Variants in PLEKHM3 observed in about 807,000 individuals in gnomAD.
PLEKHM3 encodes the protein pleckstrin homology domain-containing family M member 3.
A neutral mutation model predicts 81.8 loss-of-function variants in PLEKHM3; 45 were observed. The ratio of observed to expected loss-of-function variants is 0.55; its 90% CI spans 0.43 to 0.71. The LOEUF is 0.71. PLEKHM3 is among the 30% of genes least tolerant of loss of function. The probability of loss-of-function intolerance (pLI) is 0.00; values close to 1 mark genes in which losing one functional copy is unlikely to be tolerated. For missense variants in PLEKHM3, 788 were observed against 924.3 expected, an observed-to-expected ratio of 0.85 and a Z score of 1.91; for synonymous variants, 352 against 356.4, an observed-to-expected ratio of 0.99 and a Z score of 0.14.
chr2:207,955,480 C>T (rs1690472109), intron 3 of PLEKHM3, among the ~76,000 whole-genome samples: 1 of 152,136 alleles, frequency 6.6e-6, no homozygotes, highest in African/African-American at 2.4e-5. Context: ...GTAAGACAGG[C>T]TTACTATAAG....
intron 5 of PLEKHM3, among the ~76,000 whole-genome samples, chr2:207,909,310 A>G (rs1688738257): frequency 6.6e-6 from 1 of 152,248 alleles, no homozygotes; most frequent in African/African-American, 2.4e-5. Context: ...CAAACAGGTT[A>G]CCAAAGTGTA....
intron 6 of PLEKHM3, among the ~76,000 whole-genome samples, chr2:207,865,801 A>AAAAAAATATATAT: frequency 1.2e-4 from 3 of 25,288 alleles, no homozygotes; most frequent in African/African-American, 4.2e-4. Context: ...AAAAAAAAAA[A>AAAAAAATATATAT]AGATATATAT....
At chr2:208,005,535 G>A (rs1692467029) in intron 1 of PLEKHM3, among the ~76,000 whole-genome samples, 1 of 152,118 alleles carries the variant, frequency 6.6e-6, no homozygotes, top group African/African-American at 2.4e-5. Flanking sequence ...GTTTTTGAGT[G>A]GAAGCCCACG....
chr2:207,835,100 C>T (rs1242261850), intron 7 of PLEKHM3, among the ~76,000 whole-genome samples: 4 of 151,920 alleles, frequency 2.6e-5, no homozygotes, highest in African/African-American at 9.7e-5. Flanking sequence ...GTCACCATGC[C>T]CAGCTAATTT....
At chr2:207,989,786 T>A (rs1029947131) in intron 2 of PLEKHM3, among the ~76,000 whole-genome samples, 1 of 152,178 alleles carries the variant, frequency 6.6e-6, no homozygotes, top group Non-Finnish European at 1.5e-5. Context: ...GATCAAAACA[T>A]CAGACAGTTG....
intron 3 of PLEKHM3, among the ~76,000 whole-genome samples, chr2:207,952,988 C>T (rs1370772350): frequency 6.6e-6 from 1 of 152,192 alleles, no homozygotes; most frequent in Admixed American, 6.6e-5. Flanking sequence ...TCTGTTTAGC[C>T]ATAAATCAAT....
In PLEKHM3 at chr2:207,881,403, G is replaced by A. The variant is rs1163996373; in HGVS notation, c.1951-20141C>T. 5.9e-5 allele frequency among the ~76,000 whole-genome samples: 9 copies of A among 152,110 alleles called. No individual in the cohort carries two copies. The East Asian group carries it at 9.6e-4, about 16-fold the overall frequency. ...ATTATAACACTGGCAGCTAGCCTCC[G>A]CAAGGTATTGATCCCATTGAATCCT... On this transcript the variant is annotated intron_variant, in intron 6 of 7. Transcript: ENST00000427836.
intron 5 of PLEKHM3, among the ~76,000 whole-genome samples, chr2:207,911,082 T>C (rs1688795717): frequency 6.6e-6 from 1 of 152,200 alleles, no homozygotes; most frequent in South Asian, 2.1e-4. Context: ...AGCATGGACC[T>C]GGGCCTGAGA....
chr2:207,886,287 G>A (rs1687884630), intron 6 of PLEKHM3, among the ~76,000 whole-genome samples: 1 of 152,106 alleles, frequency 6.6e-6, no homozygotes, highest in South Asian at 2.1e-4. Context: ...GAGCCCAGGG[G>A]ATTCCAACAA....
At chr2:207,919,769 T>C (rs1689120232) in intron 5 of PLEKHM3, among the ~76,000 whole-genome samples, 1 of 152,180 alleles carries the variant, frequency 6.6e-6, no homozygotes. Flanking sequence ...CATTTCAACC[T>C]TTGGACTCAG....
intron 6 of PLEKHM3, among the ~76,000 whole-genome samples, chr2:207,902,059 G>A (rs867511974): frequency 6.6e-6 from 1 of 152,170 alleles, no homozygotes. Context: ...GGGCTGCTGA[G>A]AAGCTATGAA....
chr2:208,002,173 G>A (rs574613392), intron 1 of PLEKHM3, among the ~76,000 whole-genome samples: 8 of 152,300 alleles, frequency 5.3e-5, no homozygotes, highest in Admixed American at 3.9e-4. Flanking sequence ...CTTGATAAGA[G>A]GAATTAAAGT....
At chr2:207,912,439 A>G (rs572791221) in intron 5 of PLEKHM3, among the ~76,000 whole-genome samples, 25 of 152,366 alleles carry the variant, frequency 1.6e-4, no homozygotes, top group Admixed American at 1.6e-3. Context: ...GGTCAGTCAT[A>G]ACAGACACAA....
chr2:207,933,777 AC>A (rs1436509683), intron 4 of PLEKHM3, among the ~76,000 whole-genome samples: 1 of 152,262 alleles, frequency 6.6e-6, no homozygotes, highest in Non-Finnish European at 1.5e-5. Context: ...GCTCGTTTCA[AC>A]CATGTCGGAG....
intron 5 of PLEKHM3, among the ~76,000 whole-genome samples, chr2:207,925,373 G>A (rs1184389790): frequency 6.6e-6 from 1 of 152,112 alleles, no homozygotes; most frequent in Non-Finnish European, 1.5e-5. Flanking sequence ...ATGCCTCCAG[G>A]CTCATCTTCC....
intron 6 of PLEKHM3, among the ~76,000 whole-genome samples, chr2:207,898,907 T>TAAATA (rs1294207527): frequency 3.3e-5 from 5 of 151,794 alleles, no homozygotes; most frequent in African/African-American, 4.8e-5. Flanking sequence ...AAAAAATAAA[T>TAAATA]AAATAAAATA....
At chr2:207,855,175 G>A (rs776611792) in intron 7 of PLEKHM3, among the ~76,000 whole-genome samples, 1 of 152,120 alleles carries the variant, frequency 6.6e-6, no homozygotes, top group Non-Finnish European at 1.5e-5. Context: ...CGATCCTGGT[G>A]CATCTGGTAG....
intron 6 of PLEKHM3, among the ~76,000 whole-genome samples, chr2:207,895,807 TAAG>T (rs1269458538): frequency 1.3e-5 from 2 of 152,150 alleles, no homozygotes; most frequent in African/African-American, 4.8e-5. Context: ...CACTGAATTG[TAAG>T]GTATTAAGAC....
At chr2:207,979,577 G>T (rs145486687) in intron 2 of PLEKHM3, among the ~76,000 whole-genome samples, 2 of 151,700 alleles carry the variant, frequency 1.3e-5, no homozygotes, top group East Asian at 3.9e-4. Context: ...ACATCCATGT[G>T]AAGGATGTCA....
Sources: allele counts gnomAD v4.1 joint callset (sites outside exome capture counted in the v4.1 genomes callset), GRCh38; gene constraint gnomAD v4.1.1; transcripts MANE v1.5; gene names NCBI Gene and HGNC (gene_info 2026-07-23, HGNC 2026-07-21).